The following KCNIP3 variants were observed in gnomAD, a reference collection of about 807,000 sequenced individuals.
The protein encoded by KCNIP3 is calsenilin.
In KCNIP3, 28 loss-of-function variants were observed where a neutral mutation model predicts 35.0. That is an observed-to-expected ratio of 0.80 (90% CI 0.59 to 1.10). The LOEUF (loss-of-function observed/expected upper bound fraction) is 1.10, where lower values mean the gene tolerates loss of function less well. Among genes scored for constraint, KCNIP3 ranks in the 50% least tolerant of loss-of-function variants. The pLI is 0.00. For synonymous variants in KCNIP3, 134 were observed against 133.8 expected, an observed-to-expected ratio of 1.00 and a Z score of -0.01; for missense variants, 295 against 338.4, an observed-to-expected ratio of 0.87 and a Z score of 1.01.
intron 2 of KCNIP3, among the ~76,000 whole-genome samples, chr2:95,326,570 C>T (rs546807704): frequency 2.6e-5 from 4 of 152,376 alleles, no homozygotes; most frequent in African/African-American, 9.6e-5. Context: ...ACACCCCCTG[C>T]TGCACTGCGG....
chr2:95,363,638 T>C (rs1444461583), intron 2 of KCNIP3, among the ~76,000 whole-genome samples: 9 of 152,238 alleles, frequency 5.9e-5, no homozygotes, highest in Non-Finnish European at 1.5e-5. Context: ...CTGAATTTTT[T>C]ATTGGAATTG....
In KCNIP3 at chr2:95,316,341, G is replaced by C. The variant is rs1348950087; in HGVS notation, c.181+5821G>C. 5.3e-5 allele frequency among the ~76,000 whole-genome samples: 8 copies of C among 152,344 alleles called. No homozygotes were observed. In the East Asian group the frequency reaches 1.2e-3, roughly 22 times the overall value. ...CACCTTCCTTTACTGGCAGGGGTGC[G>C]AGGCGCAGCAGCTCGTCTTTCCCTC... On this transcript the variant is annotated intron_variant, in intron 2 of 8. Transcript: ENST00000295225.
At chr2:95,300,812 A>G (rs1678007687) in intron 1 of KCNIP3, among the ~76,000 whole-genome samples, 2 of 152,198 alleles carry the variant, frequency 1.3e-5, no homozygotes. Context: ...GTCCCACACT[A>G]GAGTCGGCCC....
rs117592762 is a variant in KCNIP3 at position 95,305,928 on chromosome 2, G to A, written c.16-4427G>A. On this transcript the variant is annotated intron_variant, in intron 1 of 8. Coordinates refer to ENST00000295225, the MANE Select transcript of KCNIP3 (RefSeq NM_013434.5). ...ATTGGGTTGCTTCCAGTATGGGGCCGTTCCAAGTAAAGCTGCCATGAACAT... is the reference window on the plus strand; with the variant it reads ...ATTGGGTTGCTTCCAGTATGGGGCCATTCCAAGTAAAGCTGCCATGAACAT... Among the ~76,000 whole-genome samples, 58 of 152,336 alleles carry A rather than the reference G, an allele frequency of 3.8e-4. 2 individuals carry two copies. In the East Asian group the frequency reaches 0.011, roughly 28 times the overall value.
intron 2 of KCNIP3, among the ~76,000 whole-genome samples, chr2:95,319,998 G>A (rs1678553544): frequency 1.3e-5 from 2 of 152,296 alleles, no homozygotes; most frequent in African/African-American, 2.4e-5. Context: ...TCCTGGCACC[G>A]AGGGCTGGGG....
intron 2 of KCNIP3, among the ~76,000 whole-genome samples, chr2:95,335,258 G>A (rs1679032944): frequency 6.6e-6 from 1 of 152,214 alleles, no homozygotes; most frequent in South Asian, 2.1e-4. Context: ...CTTGTGGAAT[G>A]TATCTACTAA....
chr2:95,329,567 G>A (rs760327947), intron 2 of KCNIP3, among the ~76,000 whole-genome samples: 11 of 152,232 alleles, frequency 7.2e-5, no homozygotes, highest in Admixed American at 5.2e-4. Flanking sequence ...TCCAGACCCC[G>A]TGCCCTGAGG....
chr2:95,345,783 A>C (rs1862898), intron 2 of KCNIP3, among the ~76,000 whole-genome samples: 5,487 of 152,318 alleles, frequency 0.036, 266 homozygotes, highest in African/African-American at 0.098. Context: ...CCGCCCGGCC[A>C]CGCCTCGTCC....
chr2:95,328,017 C>A (rs1034676507), intron 2 of KCNIP3, among the ~76,000 whole-genome samples: 1 of 152,242 alleles, frequency 6.6e-6, no homozygotes, highest in African/African-American at 2.4e-5. Flanking sequence ...CCAGCCTGTA[C>A]TGGAAAGAGC....
At chr2:95,305,022 G>T (rs1678135408) in intron 1 of KCNIP3, among the ~76,000 whole-genome samples, 1 of 152,176 alleles carries the variant, frequency 6.6e-6, no homozygotes, top group Non-Finnish European at 1.5e-5. Flanking sequence ...CTGGGACACA[G>T]CCCTAAATGC....
At chr2:95,316,228 C>CCA (rs1678456590) in intron 2 of KCNIP3, among the ~76,000 whole-genome samples, 1 of 152,246 alleles carries the variant, frequency 6.6e-6, no homozygotes. Flanking sequence ...GCCCAAGGGG[C>CCA]AGCACTGCTT....
intron 1 of KCNIP3, among the ~76,000 whole-genome samples, chr2:95,309,344 G>A (rs1477769124): frequency 6.6e-6 from 1 of 151,980 alleles, no homozygotes; most frequent in Non-Finnish European, 1.5e-5. Context: ...TTGTAGGAGA[G>A]CAAATCCTGC....
At chr2:95,371,648 TTCTC>T (rs1213637552) in intron 2 of KCNIP3, among the ~76,000 whole-genome samples, 6 of 152,208 alleles carry the variant, frequency 3.9e-5, no homozygotes, top group Admixed American at 2.6e-4. Context: ...ACTTTTTTGT[TTCTC>T]TCTTTAGTTC....
rs1680470981 is a variant in KCNIP3 at position 95,385,275 on chromosome 2, G to C, written c.*1226G>C. The C allele has an allele frequency of 6.5e-6, 1 of 152,752 alleles. No homozygotes were observed. The highest frequency in any genetic ancestry group is 2.1e-4 in the South Asian group (1 of 4,828). 9.5% of individuals were successfully genotyped at this position (152,752 alleles called of 1,614,324 possible). On this transcript the variant is annotated 3_prime_UTR_variant, in exon 9 of 9. Coordinates refer to ENST00000295225, the MANE Select transcript of KCNIP3 (RefSeq NM_013434.5). ...GTCTGCTCTGTGCCTGGGATCAGTG[G>C]GGCCCCAAAGCCCAGCCCGGCTGAC...
intron 2 of KCNIP3, among the ~76,000 whole-genome samples, chr2:95,360,190 C>CAACAAAAAA (rs1679757421): frequency 2.3e-5 from 2 of 85,550 alleles, no homozygotes. Flanking sequence ...GACTCCGTCT[C>CAACAAAAAA]AAAAAAAAAA....
chr2:95,380,290 G>T (rs1680304937), intron 5 of KCNIP3, among the ~76,000 whole-genome samples: 1 of 152,160 alleles, frequency 6.6e-6, no homozygotes. Flanking sequence ...GAACCTAATA[G>T]TTGTTGTCAA....
chr2:95,310,513 G>C lies in KCNIP3; in HGVS notation c.174G>C (p.Gln58His). Reference sequence around the variant, plus strand: ...GGATCCTGTCCAGCACAGCCCCACAGGGCTCAGGTAGGGGCCAGGGTGGGC... The same window carrying C: ...GGATCCTGTCCAGCACAGCCCCACACGGCTCAGGTAGGGGCCAGGGTGGGC... ...VKWILSSTAP[Q>H]GSDSSDSELE... The change falls in exon 2 of 9, where the codon CAG (glutamine) becomes CAC (histidine). Residue 58 changes from glutamine (Q) to histidine (H), a missense_variant. Coordinates refer to ENST00000295225, the MANE Select transcript of KCNIP3 (RefSeq NM_013434.5). 1 of 1,613,654 alleles carries C rather than the reference G, an allele frequency of 6.2e-7. No homozygotes were observed. Among genetic ancestry groups the C allele is most frequent in the Non-Finnish European group, 8.5e-7 (1 of 1,179,850 alleles).
At chr2:95,328,245 A>G (rs1417988950) in intron 2 of KCNIP3, among the ~76,000 whole-genome samples, 6 of 143,028 alleles carry the variant, frequency 4.2e-5, no homozygotes, top group Non-Finnish European at 7.6e-5. Context: ...TCTGGCCTTC[A>G]TCGTAGACCT....
At chr2:95,375,384 G>A (rs1232670369) in intron 5 of KCNIP3, among the ~76,000 whole-genome samples, 176 bp downstream of exon 5, 1 of 152,060 alleles carries the variant, frequency 6.6e-6, no homozygotes, top group East Asian at 1.9e-4. Context: ...GAGCTCTGGG[G>A]TGTTTGACTT....
Sources: allele counts gnomAD v4.1 joint callset (sites outside exome capture counted in the v4.1 genomes callset), GRCh38; gene constraint gnomAD v4.1.1; transcripts MANE v1.5; gene names NCBI Gene and HGNC (gene_info 2026-07-23, HGNC 2026-07-21).